Variants in MCF2L observed in about 807,000 individuals in gnomAD.
The protein encoded by MCF2L is MCF.2 cell line derived transforming sequence like.
A neutral mutation model predicts 153.4 loss-of-function variants in MCF2L; 97 were observed. That is an observed-to-expected ratio of 0.63 (90% CI 0.54 to 0.75). The LOEUF (loss-of-function observed/expected upper bound fraction) is 0.75, where lower values mean the gene tolerates loss of function less well. MCF2L is among the 30% of genes least tolerant of loss of function. MCF2L has a pLI of 0.00. For missense variants in MCF2L, 1,347 were observed against 1,495.2 expected (o/e 0.90, Z 1.64); for synonymous variants, 659 against 632.2 (o/e 1.04, Z -0.64).
At chr13:112,906,524 G>A (rs1040795008) in intron 2 of MCF2L, among the ~76,000 whole-genome samples, 2 of 152,226 alleles carry the variant, frequency 1.3e-5, no homozygotes, top group Non-Finnish European at 2.9e-5. Flanking sequence ...CATGGGGTGC[G>A]TGTGGAGCTT....
chr13:112,926,571 T>C (rs1024693811), intron 2 of MCF2L, among the ~76,000 whole-genome samples: 4 of 152,206 alleles, frequency 2.6e-5, no homozygotes, highest in African/African-American at 9.7e-5. Context: ...CTGGTCGATA[T>C]GCACAGCAGA....
At chr13:113,022,704 A>G (rs2084965603) in intron 2 of MCF2L, among the ~76,000 whole-genome samples, 1 of 152,092 alleles carries the variant, frequency 6.6e-6, no homozygotes, top group African/African-American at 2.4e-5. Flanking sequence ...GTTCCTGATC[A>G]TTGTGGTAGG....
At chr13:113,024,451 A>G (rs1053182128) in intron 2 of MCF2L, among the ~76,000 whole-genome samples, 193 bp from the exon 3 acceptor site, 2 of 152,262 alleles carry the variant, frequency 1.3e-5, no homozygotes, top group African/African-American at 4.8e-5. Context: ...CTAAATTCAC[A>G]TCACTTTTGT....
At chr13:113,047,897 C>G (rs1455748106) in intron 4 of MCF2L, among the ~76,000 whole-genome samples, 1 of 152,060 alleles carries the variant, frequency 6.6e-6, no homozygotes, top group Admixed American at 6.5e-5. Context: ...TGCCTCGCTA[C>G]GCGTGCCCCG....
In MCF2L at chr13:112,983,259, A is replaced by G. The variant is rs1305393858; in HGVS notation, c.79+13801A>G. Among the ~76,000 whole-genome samples the G allele has an allele frequency of 2.0e-5, 3 of 152,124 alleles. No homozygotes were observed. Among genetic ancestry groups the G allele is most frequent in the East Asian group, 1.9e-4 (1 of 5,196 alleles). On this transcript the variant is annotated intron_variant, in intron 1 of 29. Transcript: ENST00000535094. The surrounding 1 kb of genome is among the most constrained non-coding windows in gnomAD (Gnocchi z 4.0). Reference sequence around the variant, plus strand: ...ACGGGAAGCTCCAGTAAGATTCACCATGGGATTTTTCACCAGAAACTCCTA... The same window carrying G: ...ACGGGAAGCTCCAGTAAGATTCACCGTGGGATTTTTCACCAGAAACTCCTA...
At chr13:112,999,635 A>G (rs1425862976) in intron 1 of MCF2L, among the ~76,000 whole-genome samples, 2 of 152,130 alleles carry the variant, frequency 1.3e-5, no homozygotes, top group African/African-American at 4.8e-5. Flanking sequence ...GGGTCTCTGC[A>G]GGCCTTGAGC....
At chr13:113,094,280 G>A (rs2035463502) in intron 26 of MCF2L, 3 of 308,270 alleles carry the variant, frequency 9.7e-6, no homozygotes. Context: ...CTCCCACAGG[G>A]TGGCCCAGCA....
chr13:112,944,708 G>T (rs906609586), intron 2 of MCF2L, among the ~76,000 whole-genome samples: 3 of 151,738 alleles, frequency 2.0e-5, no homozygotes, highest in Non-Finnish European at 2.9e-5. Flanking sequence ...GGATGGTCTC[G>T]ATCTCCTGAC....
chr13:113,088,943 C>CGGCACTGAT (rs1275227389), intron 25 of MCF2L, among the ~76,000 whole-genome samples: 18 of 152,346 alleles, frequency 1.2e-4, no homozygotes, highest in African/African-American at 4.3e-4. Context: ...AGCTGGGAGC[C>CGGCACTGAT]GGCACTGATG....
chr13:112,916,994 C>T (rs2081299122), intron 2 of MCF2L: 14 of 451,940 alleles, frequency 3.1e-5, no homozygotes, highest in South Asian at 1.7e-4. Flanking sequence ...TCCCTCTTCC[C>T]ACTCCAGGGC....
chr13:112,905,340 G>T (rs1315973396), intron 2 of MCF2L, among the ~76,000 whole-genome samples: 3 of 152,148 alleles, frequency 2.0e-5, no homozygotes, highest in Non-Finnish European at 4.4e-5. Context: ...AATGGAACAG[G>T]GGTGGGGGCT....
At chr13:112,909,190 C>T (rs560556085) in intron 2 of MCF2L, 9 of 778,698 alleles carry the variant, frequency 1.2e-5, no homozygotes, top group East Asian at 2.4e-5. Flanking sequence ...TGCCTGTTCC[C>T]GAGGGAGCCC....
chr13:113,060,498 G>A lies in MCF2L; in HGVS notation c.370-95G>A, dbSNP rs374885076. On this transcript the variant is annotated intron_variant, in intron 4 of 29. Coordinates refer to ENST00000535094, the MANE Select transcript of MCF2L (RefSeq NM_001112732.3). The stretch of plus-strand genomic sequence containing the variant: ...TTGAGGATGCCTGGCCGCTAGCTGC[G>A]CGCCCCCGGTCAGCCCAGCGTGCAG... 4.3e-4 allele frequency: 630 copies of A among 1,477,852 alleles called. 6 individuals are homozygous for A. The East Asian group carries it at 0.012, about 28-fold the overall frequency. 91.5% of individuals were successfully genotyped at this position (1,477,852 alleles called of 1,614,324 possible).
In MCF2L at chr13:113,027,149, G is replaced by T. The variant is rs376747432; in HGVS notation, c.278+2391G>T. 4.1e-5 allele frequency: 28 copies of T among 688,128 alleles called. No individual in the cohort carries two copies. In the East Asian group the frequency reaches 6.2e-4, roughly 15 times the overall value. 42.6% of individuals were successfully genotyped at this position (688,128 alleles called of 1,614,324 possible). ...TAACCATCAGCGTGAAAGTGCAGCC[G>T]TGGCCATTACCGTGAAGGTTCTTCA... On this transcript the variant is annotated intron_variant, in intron 3 of 29. Transcript: ENST00000535094. The surrounding 1 kb of genome is among the most constrained non-coding windows in gnomAD (Gnocchi z 4.8).
intron 1 of MCF2L, among the ~76,000 whole-genome samples, chr13:113,005,526 T>C (rs951513928): frequency 4.6e-5 from 7 of 151,956 alleles, no homozygotes; most frequent in Non-Finnish European, 8.8e-5. Flanking sequence ...CCGTGGTCTG[T>C]TTGTGGTGGC....
intron 26 of MCF2L, among the ~76,000 whole-genome samples, chr13:113,091,405 G>A (rs1595027533): frequency 6.6e-6 from 1 of 152,250 alleles, no homozygotes; most frequent in African/African-American, 2.4e-5. Flanking sequence ...CCTCACAGCA[G>A]GTCTATCTGG....
intron 1 of MCF2L, among the ~76,000 whole-genome samples, chr13:112,995,995 C>T (rs1051599102): frequency 3.9e-5 from 6 of 152,190 alleles, no homozygotes; most frequent in African/African-American, 1.2e-4. Flanking sequence ...GGCTGACTTT[C>T]ACCAGATCCA....
At chr13:113,014,185 G>A (rs2084360630) in intron 1 of MCF2L, among the ~76,000 whole-genome samples, 1 of 152,238 alleles carries the variant, frequency 6.6e-6, no homozygotes, top group Non-Finnish European at 1.5e-5. Context: ...GCTGGGTGGG[G>A]GGATGGGTGT....
In MCF2L at chr13:113,087,392, A is replaced by G. The variant is rs2034735565; in HGVS notation, c.2531A>G (p.Lys844Arg). ...GAGAAGGCAGTGCTCTTCTGCAAGA[A>G]GAGGGAGGAGAATGGGGAGGGGTAT... Reference protein sequence around the residue: ...LHEKAVLFCKKREENGEGYEK... With the variant: ...LHEKAVLFCKRREENGEGYEK... Residue 844 changes from lysine (K) to arginine (R), a missense_variant, in exon 22 of 30, where the codon AAG (lysine) becomes AGG (arginine). Transcript: ENST00000535094. The G allele has an allele frequency of 1.9e-6, 3 of 1,613,382 alleles. No homozygotes were observed. The highest frequency in any genetic ancestry group is 2.5e-6 in the Non-Finnish European group (3 of 1,179,990).
Sources: gnomAD v4.1 joint callset for allele counts (sites outside exome capture counted in the v4.1 genomes callset) on GRCh38, gnomAD v4.1.1 for gene constraint, Gnocchi (gnomAD v3.1) non-coding constraint, MANE v1.5 for transcripts, NCBI Gene and HGNC (gene_info 2026-07-23, HGNC 2026-07-21) for gene names.